The following RGPD4 variants were observed in gnomAD, a reference collection of about 807,000 sequenced individuals.
The protein encoded by RGPD4 is RANBP2 like and GRIP domain containing 4, also known as ranBP2-like and GRIP domain-containing protein 4.
In RGPD4, 84 loss-of-function variants were observed where a neutral mutation model predicts 141.1. The observed-to-expected ratio is 0.60, with a 90% CI of 0.50 to 0.71. RGPD4 has a LOEUF of 0.71. Among genes scored for constraint, RGPD4 ranks in the 30% least tolerant of loss-of-function variants. RGPD4 has a pLI of 0.00. For missense variants in RGPD4, 918 were observed against 1,622.4 expected (o/e 0.57, Z 7.46); for synonymous variants, 298 against 566.8 (o/e 0.53, Z 6.74).
intron 18 of RGPD4, among the ~76,000 whole-genome samples, chr2:107,868,444 A>G (rs1176215844): frequency 6.6e-6 from 1 of 151,924 alleles, no homozygotes; most frequent in East Asian, 1.9e-4. Context: ...AATACTAGTC[A>G]TGCTCACCAA....
At chr2:107,863,819 A>T (rs1167778221) in intron 17 of RGPD4, among the ~76,000 whole-genome samples, 1 of 151,900 alleles carries the variant, frequency 6.6e-6, no homozygotes, top group Non-Finnish European at 1.5e-5. Context: ...AAAGTACTTT[A>T]TGTGTCTCTC....
chr2:107,834,678 C>CAT (rs1203731234), intron 1 of RGPD4, among the ~76,000 whole-genome samples: 1 of 147,660 alleles, frequency 6.8e-6, no homozygotes, highest in Admixed American at 6.8e-5. Context: ...AGAGAGAAGC[C>CAT]ATATAGTGCT....
rs1416113817 is a variant in RGPD4, at chr2:107,884,505, T to A, written c.5266+1632T>A. ...CATTTATGCTATAGCAGTTCTATATTTGGGTTTTAATCATTACAGGGTAAC... is the reference window on the plus strand; with the variant it reads ...CATTTATGCTATAGCAGTTCTATATATGGGTTTTAATCATTACAGGGTAAC... On this transcript the variant is annotated intron_variant, in intron 22 of 22. Transcript: ENST00000408999. Among the ~76,000 whole-genome samples, 3 of 148,322 alleles carry A rather than the reference T, an allele frequency of 2.0e-5. No homozygotes were observed. In the Admixed American group the frequency reaches 2.0e-4, roughly 10 times the overall value.
chr2:107,888,754 G>T (rs2918777), intron 22 of RGPD4, among the ~76,000 whole-genome samples: 2 of 99,122 alleles, frequency 2.0e-5, no homozygotes, highest in Non-Finnish European at 4.0e-5. Flanking sequence ...TACCATCCCA[G>T]AGGCAAGGAA....
At chr2:107,876,318 T>C (rs1389691597) in intron 20 of RGPD4, among the ~76,000 whole-genome samples, 3 of 150,358 alleles carry the variant, frequency 2.0e-5, no homozygotes, top group South Asian at 2.1e-4. Flanking sequence ...CTCGGTCTCC[T>C]GACCTCGTGA....
At chr2:107,874,591 G>A (rs1414132991) in intron 20 of RGPD4, among the ~76,000 whole-genome samples, 3 of 150,604 alleles carry the variant, frequency 2.0e-5, no homozygotes, top group African/African-American at 7.4e-5. Context: ...AATGTGAAAA[G>A]TGTTAACTTA....
In RGPD4 at chr2:107,871,229, G is replaced by A. The variant is rs1335436792; in HGVS notation, c.3225G>A (p.Arg1075=). ...VKLFRFDAEV[R]QWKERGLGNL... ...TATTTAGATTTGATGCTGAGGTAAG[G>A]CAGTGGAAAGAAAGGGGCTTGGGGA... The change falls in exon 20 of 23, where the codon AGG becomes AGA. Residue 1075 remains arginine (R), a synonymous_variant. Transcript: ENST00000408999. 6.2e-7 allele frequency: 1 copy of A among 1,609,354 alleles called. No homozygotes were observed. Among genetic ancestry groups the A allele is most frequent in the South Asian group, 1.1e-5 (1 of 90,868 alleles).
intron 1 of RGPD4, among the ~76,000 whole-genome samples, chr2:107,829,917 A>T (rs1279108122): frequency 1.3e-5 from 2 of 150,678 alleles, no homozygotes; most frequent in African/African-American, 4.9e-5. Context: ...CGGAGGTCGT[A>T]CCTCCTTGGC....
chr2:107,873,487 T>A (rs1032506190), intron 20 of RGPD4, among the ~76,000 whole-genome samples: 3 of 143,524 alleles, frequency 2.1e-5, no homozygotes, highest in Admixed American at 1.5e-4. Flanking sequence ...GGCAGGAGGA[T>A]CGCTTGAGCA....
At chr2:107,846,487 A>T (rs1029927943) in intron 6 of RGPD4, among the ~76,000 whole-genome samples, 1 of 151,562 alleles carries the variant, frequency 6.6e-6, no homozygotes, top group African/African-American at 2.4e-5. Context: ...TTTTTTTGAG[A>T]CGGAGTTTTG....
chr2:107,859,608 G>T (rs1682465983), intron 11 of RGPD4, 54 bp downstream of exon 11: 2 of 1,611,372 alleles, frequency 1.2e-6, no homozygotes, highest in East Asian at 2.2e-5. Context: ...TTTTACCAGG[G>T]ATTTAATCCT....
chr2:107,877,854 G>A (rs13419816), intron 20 of RGPD4, among the ~76,000 whole-genome samples: 5,856 of 149,772 alleles, frequency 0.039, 465 homozygotes, highest in African/African-American at 0.14. Context: ...TCGCTCTGTC[G>A]CCAGGCTGAA....
At chr2:107,828,266 A>G (rs866376467) in intron 1 of RGPD4, among the ~76,000 whole-genome samples, 2,220 of 7,116 alleles carry the variant, frequency 0.31, 72 homozygotes, top group African/African-American at 0.43. Context: ...TGGCTCAGGC[A>G]TCATGGCTCC....
chr2:107,828,321 C>G (rs1245102266), intron 1 of RGPD4, among the ~76,000 whole-genome samples: 1 of 30,884 alleles, frequency 3.2e-5, no homozygotes, highest in African/African-American at 1.6e-4. Flanking sequence ...GCGGCGGCCT[C>G]GACCCGGCCC....
chr2:107,861,555 T>C, intron 14 of RGPD4, 39 bp from the exon 15 acceptor site: 1 of 1,606,514 alleles, frequency 6.2e-7, no homozygotes, highest in Non-Finnish European at 8.5e-7. Flanking sequence ...TTTTTTGTTT[T>C]AAAAAGCTAA....
At chr2:107,839,024 GT>G in intron 4 of RGPD4, 60 bp downstream of exon 4, 1 of 1,277,248 alleles carries the variant, frequency 7.8e-7, no homozygotes, top group Non-Finnish European at 1.0e-6. Flanking sequence ...AATATTTGGA[GT>G]TTAAATTACT....
At chr2:107,884,061 AG>A (rs1675441149) in intron 22 of RGPD4, among the ~76,000 whole-genome samples, 1 of 151,700 alleles carries the variant, frequency 6.6e-6, no homozygotes, top group Non-Finnish European at 1.5e-5. Flanking sequence ...TATCCTAAAT[AG>A]GGCTCATATA....
rs769868949 is a variant in RGPD4, at chr2:107,827,029, GC to G, written c.18del (p.Tyr7ThrfsTer83). Reference protein sequence around the residue: MSCSKAYGERYVASVQ... With the variant: MSCSKXYGERYVASVQ... ...TGGTGGCGCGATGAGTTGCAGCAAG[GC>G]CTACGGGGAGCGGTACGTCGCCTCC... is the stretch of plus-strand genomic sequence containing the variant. On this transcript the variant is annotated frameshift_variant, in exon 1 of 23. Transcript: ENST00000408999. LOFTEE classifies it high-confidence loss of function. 15 of 1,599,814 alleles carry G rather than the reference GC, an allele frequency of 9.4e-6. No homozygotes were observed. Among genetic ancestry groups the G allele is most frequent in the Non-Finnish European group, 1.2e-5 (14 of 1,174,668 alleles).
intron 6 of RGPD4, among the ~76,000 whole-genome samples, chr2:107,847,010 G>C (rs1251163481): frequency 2.0e-5 from 3 of 151,698 alleles, no homozygotes; most frequent in Non-Finnish European, 2.9e-5. Flanking sequence ...GGGAGGCCAA[G>C]GCGGGTGGAT....
Sources: allele counts gnomAD v4.1 joint callset (sites outside exome capture counted in the v4.1 genomes callset), GRCh38; gene constraint gnomAD v4.1.1; transcripts MANE v1.5; gene names NCBI Gene and HGNC (gene_info 2026-07-23, HGNC 2026-07-21).